The following PLCB1 variants were observed in gnomAD, a reference collection of about 807,000 sequenced individuals.
The protein encoded by PLCB1 is 1-phosphatidylinositol 4,5-bisphosphate phosphodiesterase beta-1.
In PLCB1, 46 loss-of-function variants were observed where a neutral mutation model predicts 161.8. That is an observed-to-expected ratio of 0.28 (90% CI 0.22 to 0.36). The LOEUF is 0.36. Ranked by LOEUF, PLCB1 falls within the 10% of genes least tolerant of loss-of-function variation. The pLI is 1.00. For synonymous variants in PLCB1, 517 were observed against 503.7 expected (o/e 1.03, Z -0.35); for missense variants, 1,016 against 1,472.5 (o/e 0.69, Z 5.07).
intron 2 of PLCB1, among the ~76,000 whole-genome samples, chr20:8,167,243 C>A (rs2051685174): frequency 6.6e-6 from 1 of 152,178 alleles, no homozygotes; most frequent in Admixed American, 6.6e-5. Flanking sequence ...TGAGTTAGGG[C>A]AGTGCTTGGC....
At chr20:8,677,781 T>C (rs913385900) in intron 9 of PLCB1, among the ~76,000 whole-genome samples, 1 of 152,156 alleles carries the variant, frequency 6.6e-6, no homozygotes, top group Non-Finnish European at 1.5e-5. Flanking sequence ...CCAGCAAAAC[T>C]AGCAATCAAG....
chr20:8,133,560 G>C (rs950341740), intron 1 of PLCB1, among the ~76,000 whole-genome samples: 1 of 152,146 alleles, frequency 6.6e-6, no homozygotes, highest in Non-Finnish European at 1.5e-5. Flanking sequence ...AATGCTTTAC[G>C]AGCGGCCCAG....
chr20:8,195,791 A>G (rs1400740349), intron 2 of PLCB1, among the ~76,000 whole-genome samples: 2 of 152,038 alleles, frequency 1.3e-5, no homozygotes, highest in Admixed American at 6.6e-5. Flanking sequence ...ACTTTATGCA[A>G]TGTCTCTCAG....
At chr20:8,533,002 A>C (rs996786547) in intron 3 of PLCB1, among the ~76,000 whole-genome samples, 2 of 141,660 alleles carry the variant, frequency 1.4e-5, no homozygotes, top group African/African-American at 5.1e-5. Context: ...TCCTAATGCT[A>C]TCCCTCCCCC....
intron 2 of PLCB1, among the ~76,000 whole-genome samples, chr20:8,253,190 GTA>G (rs1491558582): frequency 6.9e-6 from 1 of 143,886 alleles, no homozygotes; most frequent in Non-Finnish European, 1.5e-5. Context: ...GAATTCAGAG[GTA>G]TTGACTTCCC....
chr20:8,566,410 A>T (rs1157538103), intron 3 of PLCB1, among the ~76,000 whole-genome samples: 1 of 152,156 alleles, frequency 6.6e-6, no homozygotes, highest in Non-Finnish European at 1.5e-5. Context: ...AGCACCTTCA[A>T]AGTCGAACAG....
At chr20:8,404,497 T>C (rs1261536383) in intron 3 of PLCB1, among the ~76,000 whole-genome samples, 1 of 152,198 alleles carries the variant, frequency 6.6e-6, no homozygotes, top group East Asian at 1.9e-4. Context: ...GTCCTAAGCT[T>C]ATTTTGCATT....
chr20:8,832,609 A>G (rs1986067186), intron 31 of PLCB1, among the ~76,000 whole-genome samples: 1 of 152,210 alleles, frequency 6.6e-6, no homozygotes, highest in African/African-American at 2.4e-5. Flanking sequence ...ATTAGAGCAC[A>G]TGATAACTCT....
intron 1 of PLCB1, among the ~76,000 whole-genome samples, chr20:8,144,291 G>A (rs1600195612): frequency 6.6e-6 from 1 of 152,176 alleles, no homozygotes; most frequent in East Asian, 1.9e-4. Context: ...TAAGCCAGGA[G>A]CACCTCGGTT....
chr20:8,145,813 A>G (rs548709502), intron 1 of PLCB1, among the ~76,000 whole-genome samples: 7 of 152,344 alleles, frequency 4.6e-5, no homozygotes, highest in African/African-American at 1.7e-4. Flanking sequence ...TACGAATACT[A>G]TATTTAATTT....
intron 2 of PLCB1, among the ~76,000 whole-genome samples, chr20:8,166,201 T>C (rs979437615): frequency 6.6e-6 from 1 of 152,126 alleles, no homozygotes; most frequent in African/African-American, 2.4e-5. Flanking sequence ...CCCATTATTC[T>C]CACCTTTCAC....
rs540272955 is a variant in PLCB1, at chr20:8,760,128, C to T, written c.2657-279C>T. Among the ~76,000 whole-genome samples, 5 of 152,168 alleles carry T rather than the reference C, an allele frequency of 3.3e-5. No individual in the cohort carries two copies. In the East Asian group the frequency reaches 7.7e-4, roughly 24 times the overall value. ...ACCATATTGCCAGGCTGGTCTTGAACTCCTGACCTCAAGTGATCCGCCTGC... is the reference window on the plus strand; with the variant it reads ...ACCATATTGCCAGGCTGGTCTTGAATTCCTGACCTCAAGTGATCCGCCTGC... On this transcript the variant is annotated intron_variant, in intron 24 of 31. Coordinates refer to ENST00000338037, the MANE Select transcript of PLCB1 (RefSeq NM_015192.4).
At chr20:8,548,626 T>A (rs1277108075) in intron 3 of PLCB1, among the ~76,000 whole-genome samples, 1 of 152,160 alleles carries the variant, frequency 6.6e-6, no homozygotes, top group Non-Finnish European at 1.5e-5. Flanking sequence ...TCTATATGTA[T>A]ATATTCAATA....
At chr20:8,384,956 G>A (rs1297945256) in intron 3 of PLCB1, among the ~76,000 whole-genome samples, 3 of 152,272 alleles carry the variant, frequency 2.0e-5, no homozygotes, top group South Asian at 4.1e-4. Context: ...GAGTAGGATC[G>A]CTCCTGTATA....
chr20:8,662,444 T>G (rs1989697675), intron 9 of PLCB1, among the ~76,000 whole-genome samples: 1 of 96,556 alleles, frequency 1.0e-5, no homozygotes. Flanking sequence ...TAATTATGTG[T>G]TATGTATAAT....
At chr20:8,136,400 G>A (rs1391378463) in intron 1 of PLCB1, among the ~76,000 whole-genome samples, 1 of 152,174 alleles carries the variant, frequency 6.6e-6, no homozygotes, top group Non-Finnish European at 1.5e-5. Context: ...GCCGAGGCGG[G>A]CAGATCACAA....
At chr20:8,823,421 C>T (rs1481283502) in intron 31 of PLCB1, among the ~76,000 whole-genome samples, 1 of 152,132 alleles carries the variant, frequency 6.6e-6, no homozygotes, top group Non-Finnish European at 1.5e-5. Context: ...TCATGCCCCG[C>T]CAGAGCCACC....
At chr20:8,526,074 A>G (rs1266165810) in intron 3 of PLCB1, among the ~76,000 whole-genome samples, 2 of 152,124 alleles carry the variant, frequency 1.3e-5, no homozygotes, top group African/African-American at 2.4e-5. Context: ...TAAATATCCT[A>G]TATCATGATC....
chr20:8,673,799 T>C (rs754969348), intron 9 of PLCB1, among the ~76,000 whole-genome samples: 2 of 152,208 alleles, frequency 1.3e-5, no homozygotes, highest in African/African-American at 2.4e-5. Context: ...ATTTTTTCAA[T>C]TAATATTTGT....
Sources: allele counts gnomAD v4.1 joint callset (sites outside exome capture counted in the v4.1 genomes callset), GRCh38; gene constraint gnomAD v4.1.1; transcripts MANE v1.5; gene names NCBI Gene and HGNC (gene_info 2026-07-23, HGNC 2026-07-21).